Variants in LGSN observed in about 807,000 individuals in gnomAD.
LGSN encodes the protein lengsin.
Under a neutral mutation model 19.5 loss-of-function variants are expected in LGSN, and 21 were observed. That is an observed-to-expected ratio of 1.07 (90% CI 0.76 to 1.55). The LOEUF (loss-of-function observed/expected upper bound fraction) is 1.55, where lower values mean the gene tolerates loss of function less well. LGSN is among the 40% of genes most tolerant of loss of function. The pLI, the probability that LGSN is intolerant of heterozygous loss-of-function variation, is 0.00. For synonymous variants in LGSN, 257 were observed against 215.6 expected (o/e 1.19, Z -1.68); for missense variants, 673 against 608.5 (o/e 1.11, Z -1.12).
chr6:63,554,980 T>G, the LGSN span, among the ~76,000 whole-genome samples: 1 of 152,234 alleles, frequency 6.6e-6, no homozygotes, highest in South Asian at 2.1e-4. Context: ...TCGGAAGTTC[T>G]GAAGCACATG....
chr6:63,329,124 T>C, the LGSN span, among the ~76,000 whole-genome samples: 2 of 152,206 alleles, frequency 1.3e-5, no homozygotes, highest in Non-Finnish European at 2.9e-5. Context: ...TCTGAACTGG[T>C]AGCCAGAAGT....
the LGSN span, among the ~76,000 whole-genome samples, chr6:63,520,250 A>G: frequency 6.6e-6 from 1 of 152,200 alleles, no homozygotes; most frequent in Non-Finnish European, 1.5e-5. Context: ...TCTTATCTTT[A>G]AATGTTGTGA....
the LGSN span, among the ~76,000 whole-genome samples, chr6:63,449,812 A>G: frequency 1.3e-5 from 2 of 152,208 alleles, no homozygotes; most frequent in African/African-American, 2.4e-5. Context: ...ACTGAACAAT[A>G]CTAAATAGAA....
chr6:63,426,684 T>A, the LGSN span, among the ~76,000 whole-genome samples: 1 of 152,058 alleles, frequency 6.6e-6, no homozygotes, highest in Non-Finnish European at 1.5e-5. Context: ...CCTGGCTAAT[T>A]TTTGTATTTC....
the LGSN span, among the ~76,000 whole-genome samples, chr6:63,501,055 C>T: frequency 1.3e-5 from 2 of 151,946 alleles, no homozygotes; most frequent in Non-Finnish European, 2.9e-5. Flanking sequence ...TCTGTGAGGG[C>T]TTTGCTTTTT....
chr6:63,472,487 A>G, the LGSN span, among the ~76,000 whole-genome samples: 1 of 152,198 alleles, frequency 6.6e-6, no homozygotes, highest in Non-Finnish European at 1.5e-5. Context: ...AACGGAATCT[A>G]CTATCTCTAT....
At chr6:63,356,385 T>C in the LGSN span, among the ~76,000 whole-genome samples, 12 of 151,620 alleles carry the variant, frequency 7.9e-5, no homozygotes, top group African/African-American at 2.9e-4. Flanking sequence ...ACTAAAAAAA[T>C]ACAAAAATTA....
At chr6:63,500,700 C>T in the LGSN span, among the ~76,000 whole-genome samples, 8 of 151,638 alleles carry the variant, frequency 5.3e-5, no homozygotes, top group South Asian at 2.1e-4. Context: ...GGATTACAGG[C>T]GTGAGCCATC....
chr6:63,509,305 T>A, the LGSN span, among the ~76,000 whole-genome samples: 1 of 152,058 alleles, frequency 6.6e-6, no homozygotes, highest in Non-Finnish European at 1.5e-5. Flanking sequence ...CCTCAGGTGA[T>A]CCGCCTGCCT....
At chr6:63,412,416 A>AAAGAAAGAAAGAGAGAG in the LGSN span, among the ~76,000 whole-genome samples, 1 of 97,476 alleles carries the variant, frequency 1.0e-5, no homozygotes, top group African/African-American at 6.7e-5. Flanking sequence ...AGAAAGAAAG[A>AAAGAAAGAAAGAGAGAG]AGAAAGAAAG....
At chr6:63,499,598 G>A in the LGSN span, among the ~76,000 whole-genome samples, 1 of 152,046 alleles carries the variant, frequency 6.6e-6, no homozygotes, top group African/African-American at 2.4e-5. Flanking sequence ...TGCTTCAGGT[G>A]CATAAAAATC....
At chr6:63,410,622 A>G in the LGSN span, among the ~76,000 whole-genome samples, 2 of 152,212 alleles carry the variant, frequency 1.3e-5, no homozygotes, top group Non-Finnish European at 2.9e-5. Flanking sequence ...CTAAAATTAC[A>G]CTAAAGCCAG....
the LGSN span, among the ~76,000 whole-genome samples, chr6:63,551,203 C>T: frequency 2.6e-5 from 4 of 151,926 alleles, no homozygotes; most frequent in African/African-American, 7.3e-5. Context: ...ATAGCTGGGA[C>T]TACAGGGGCG....
the LGSN span, among the ~76,000 whole-genome samples, chr6:63,447,799 G>T: frequency 3.3e-5 from 5 of 152,106 alleles, no homozygotes; most frequent in African/African-American, 1.2e-4. Context: ...CAGTCTTCAT[G>T]AAACTCCCTA....
chr6:63,325,806 G>T, the LGSN span, among the ~76,000 whole-genome samples: 1 of 152,124 alleles, frequency 6.6e-6, no homozygotes, highest in African/African-American at 2.4e-5. Flanking sequence ...GAGTTTTACA[G>T]CTCATAAAAG....
the LGSN span, among the ~76,000 whole-genome samples, chr6:63,448,461 C>T: frequency 7.2e-5 from 11 of 152,062 alleles, no homozygotes; most frequent in South Asian, 8.3e-4. Flanking sequence ...GCATTTCAAA[C>T]GAAATCTATG....
At chr6:63,386,065 G>A in the LGSN span, among the ~76,000 whole-genome samples, 2 of 152,078 alleles carry the variant, frequency 1.3e-5, no homozygotes, top group African/African-American at 4.8e-5. Context: ...ATTATAAGGT[G>A]AAAATGTAGA....
chr6:63,497,318 G>T, the LGSN span, among the ~76,000 whole-genome samples: 8,672 of 152,072 alleles, frequency 0.057, 916 homozygotes, highest in African/African-American at 0.2. Flanking sequence ...GGAGGCCAAG[G>T]CGGGCGGATC....
the LGSN span, among the ~76,000 whole-genome samples, chr6:63,469,120 G>A: frequency 6.6e-6 from 1 of 152,058 alleles, no homozygotes; most frequent in African/African-American, 2.4e-5. Context: ...CCCTCGTTAA[G>A]TCACTGCTAT....
Sources: allele counts gnomAD v4.1 joint callset (sites outside exome capture counted in the v4.1 genomes callset), GRCh38; gene constraint gnomAD v4.1.1; transcripts MANE v1.5; gene names NCBI Gene and HGNC (gene_info 2026-07-23, HGNC 2026-07-21).